The following NPAS3 variants were observed in gnomAD, a reference collection of about 807,000 sequenced individuals.
NPAS3 encodes the protein neuronal PAS domain-containing protein 3.
NPAS3 carries 14 observed loss-of-function variants against 73.1 expected under a neutral mutation model. The ratio of observed to expected loss-of-function variants is 0.19; its 90% CI spans 0.13 to 0.30. NPAS3 has a LOEUF of 0.30. NPAS3 is among the 10% of genes least tolerant of loss of function. The pLI is 1.00. For synonymous variants in NPAS3, 620 were observed against 541.5 expected, an observed-to-expected ratio of 1.14 and a Z score of -2.01; for missense variants, 1,096 against 1,250.0, an observed-to-expected ratio of 0.88 and a Z score of 1.86.
chr14:33,753,484 T>C (rs2062025331), intron 7 of NPAS3, among the ~76,000 whole-genome samples: 1 of 152,180 alleles, frequency 6.6e-6, no homozygotes, highest in Non-Finnish European at 1.5e-5. Flanking sequence ...CCATCACTGA[T>C]TTTGGCCAGT....
Position 33,800,039 on chromosome 14 carries a change from G to T in NPAS3, c.1732G>T (p.Asp578Tyr). Residue 578 changes from aspartate to tyrosine, a missense_variant, in exon 12 of 12, where the codon GAC (aspartate) becomes TAC (tyrosine). Physicochemically the swap from Asp to Tyr is radical, Grantham distance 160. Transcript: ENST00000356141. The surrounding 1 kb of genome is among the most constrained non-coding windows in gnomAD (Gnocchi z 6.5). The stretch of plus-strand genomic sequence containing the variant: ...GCAGAACTGCGAGTCACTCACGTCC[G>T]ACAGCGCCAAGGACTCGGACAGCGC... 1 of 1,608,978 alleles carries T rather than the reference G, an allele frequency of 6.2e-7. No individual in the cohort carries two copies.
Position 33,800,042 on chromosome 14 carries a change from A to G in NPAS3, c.1735A>G (p.Ser579Gly). 1 of 1,608,824 alleles carries G rather than the reference A, an allele frequency of 6.2e-7. No homozygotes were observed. The highest frequency in any genetic ancestry group is 2.2e-5 in the East Asian group (1 of 44,798). The stretch of plus-strand genomic sequence containing the variant: ...GAACTGCGAGTCACTCACGTCCGAC[A>G]GCGCCAAGGACTCGGACAGCGCAGG... Residue 579 changes from serine (S) to glycine (G), a missense_variant, in exon 12 of 12, where the codon AGC (serine) becomes GGC (glycine). By Grantham distance (56) the Ser-to-Gly change is moderately conservative (BLOSUM62 0). Around this residue, in one of 5 missense-constraint regions of NPAS3, gnomAD observed 698 missense variants for 676.7 expected, o/e 1.03. Transcript: ENST00000356141. This position sits in a 1 kb window ranked among gnomAD's most constrained non-coding sequence, Gnocchi z 6.5.
intron 3 of NPAS3, among the ~76,000 whole-genome samples, chr14:33,359,986 A>G (rs1188105472): frequency 6.6e-6 from 1 of 152,238 alleles, no homozygotes; most frequent in Non-Finnish European, 1.5e-5. Flanking sequence ...CTCAGAAAGC[A>G]GAGCACCTTC....
chr14:33,699,349 C>A (rs2060469086), intron 6 of NPAS3, among the ~76,000 whole-genome samples: 1 of 151,746 alleles, frequency 6.6e-6, no homozygotes, highest in Non-Finnish European at 1.5e-5. Flanking sequence ...TGAAAACAAC[C>A]CTGCTAAATT....
intron 4 of NPAS3, among the ~76,000 whole-genome samples, chr14:33,485,500 T>A (rs1464562896): frequency 6.6e-6 from 1 of 152,132 alleles, no homozygotes; most frequent in Non-Finnish European, 1.5e-5. Flanking sequence ...TGGATCTAGA[T>A]AATCTCAGCA....
chr14:33,769,600 GA>G (rs1403426201), intron 7 of NPAS3, among the ~76,000 whole-genome samples: 6 of 152,086 alleles, frequency 3.9e-5, no homozygotes, highest in Admixed American at 3.9e-4. Flanking sequence ...CTGAACTCCT[GA>G]AGATCTTATT....
intron 4 of NPAS3, among the ~76,000 whole-genome samples, chr14:33,382,105 CT>C (rs1418953021): frequency 6.6e-6 from 1 of 152,078 alleles, no homozygotes; most frequent in East Asian, 1.9e-4. Flanking sequence ...ACTTAAGAAG[CT>C]TTAGAAAGCA....
In NPAS3 at chr14:33,800,047, C is replaced by T. The variant is rs1204660592; in HGVS notation, c.1740C>T (p.Ala580=). The T allele has an allele frequency of 3.1e-6, 5 of 1,608,306 alleles. No individual in the cohort carries two copies. The highest frequency in any genetic ancestry group is 4.2e-6 in the Non-Finnish European group (5 of 1,179,218). Residue 580 remains alanine (A), a synonymous_variant, in exon 12 of 12, where the codon GCC becomes GCT. Transcript: ENST00000356141. The surrounding 1 kb of genome is among the most constrained non-coding windows in gnomAD (Gnocchi z 6.5). ...GCGAGTCACTCACGTCCGACAGCGC[C>T]AAGGACTCGGACAGCGCAGGCGAGG...
At position 32,973,533 on chromosome 14, in the gene NPAS3, A is replaced by ATTTT. The variant is rs71432099; in HGVS notation, c.50+34184_50+34187dup. 4.3e-3 allele frequency among the ~76,000 whole-genome samples: 558 copies of ATTTT among 128,878 alleles called. 10 individuals are homozygous for ATTTT. The highest frequency in any genetic ancestry group is 4.2e-3 in the Middle Eastern group (1 of 240). The allele number at this position is 128,878 out of a possible 152,430, so 84.5% of individuals were successfully genotyped here. A position where few individuals can be genotyped will look rare whatever the true frequency, so the allele number is the denominator to read the frequency against. The stretch of plus-strand genomic sequence containing the variant: ...TTTATAGTTCTATGAGTATATTTTG[A>ATTTT]TTTTTTTTTTTTTTTTTTTTAAGAC... On this transcript the variant is annotated intron_variant, in intron 1 of 11. Coordinates refer to ENST00000356141, the Ensembl canonical transcript of NPAS3.
At position 33,150,477 on chromosome 14, in the gene NPAS3, A is replaced by G. The variant is rs2044406774; in HGVS notation, c.141-64705A>G. ...AAAAATTGTTTTTATTATGAAATAA[A>G]CTCACCAAATATTGATCATCTGGGA... On this transcript the variant is annotated intron_variant, in intron 2 of 11. Transcript: ENST00000356141. Among the ~76,000 whole-genome samples the G allele has an allele frequency of 2.6e-5, 4 of 152,182 alleles. No individual in the cohort carries two copies. The South Asian group carries it at 8.3e-4, about 32-fold the overall frequency.
At chr14:33,542,487 A>C (rs2054567787) in intron 4 of NPAS3, among the ~76,000 whole-genome samples, 1 of 152,128 alleles carries the variant, frequency 6.6e-6, no homozygotes, top group Non-Finnish European at 1.5e-5. Context: ...TCAGGGATGC[A>C]GTCCTTTCAG....
intron 2 of NPAS3, among the ~76,000 whole-genome samples, chr14:33,138,244 C>T (rs2043915535): frequency 6.7e-6 from 1 of 148,720 alleles, no homozygotes; most frequent in African/African-American, 2.5e-5. Flanking sequence ...GTGATGTTCC[C>T]CTTCCTGAGT....
intron 4 of NPAS3, among the ~76,000 whole-genome samples, chr14:33,551,286 A>G (rs2055100821): frequency 6.6e-6 from 1 of 152,218 alleles, no homozygotes; most frequent in African/African-American, 2.4e-5. Flanking sequence ...AAATTCATTA[A>G]GGGATTCTTT....
chr14:33,778,372 A>G lies in NPAS3; in HGVS notation c.1047-94A>G, dbSNP rs544277329. 9.3e-5 allele frequency: 82 copies of G among 884,816 alleles called. No individual in the cohort carries two copies. In the African/African-American group the frequency reaches 1.3e-3, roughly 14 times the overall value. 54.8% of individuals were successfully genotyped at this position (884,816 alleles called of 1,614,324 possible). On this transcript the variant is annotated intron_variant, in intron 8 of 11. Transcript: ENST00000356141. Reference sequence around the variant, plus strand: ...ACCTCCTCACGGGTACAGTAGTATAATGAAATGTGTCAGTAGAACTGTTTC... The same window carrying G: ...ACCTCCTCACGGGTACAGTAGTATAGTGAAATGTGTCAGTAGAACTGTTTC...
At chr14:33,201,256 G>A (rs768284520) in intron 2 of NPAS3, among the ~76,000 whole-genome samples, 7 of 150,884 alleles carry the variant, frequency 4.6e-5, no homozygotes, top group African/African-American at 7.3e-5. Context: ...TATAGCTAGA[G>A]GCAGCTGTAT....
At chr14:33,197,506 A>T (rs1470336125) in intron 2 of NPAS3, among the ~76,000 whole-genome samples, 1 of 152,060 alleles carries the variant, frequency 6.6e-6, no homozygotes, top group Non-Finnish European at 1.5e-5. Flanking sequence ...ACTGCCAGAG[A>T]CCAGGAGCAT....
At chr14:33,511,515 A>G (rs931511207) in intron 4 of NPAS3, among the ~76,000 whole-genome samples, 3 of 152,094 alleles carry the variant, frequency 2.0e-5, no homozygotes, top group Non-Finnish European at 2.9e-5. Flanking sequence ...CTTTATTTCA[A>G]AAGGTACATT....
At chr14:33,037,489 A>G (rs896281357) in intron 1 of NPAS3, among the ~76,000 whole-genome samples, 9 of 151,110 alleles carry the variant, frequency 6.0e-5, no homozygotes, top group Non-Finnish European at 5.9e-5. Context: ...AGCAAAAAAA[A>G]AAAAAGAAAA....
At chr14:33,424,149 G>A (rs1245665629) in intron 4 of NPAS3, among the ~76,000 whole-genome samples, 1 of 151,988 alleles carries the variant, frequency 6.6e-6, no homozygotes, top group African/African-American at 2.4e-5. Flanking sequence ...TGAAAGGTAT[G>A]ATTTCCTTGA....
Sources: allele counts gnomAD v4.1 joint callset (sites outside exome capture counted in the v4.1 genomes callset), GRCh38; gene constraint gnomAD v4.1.1; regional missense constraint gnomAD v4.1.1; non-coding constraint Gnocchi (gnomAD v3.1); transcripts MANE v1.5; gene names NCBI Gene and HGNC (gene_info 2026-07-23, HGNC 2026-07-21).